COL5A1: variants seen among roughly 807,000 people sequenced by gnomAD.
The protein encoded by COL5A1 is collagen alpha-1(V) chain.
A neutral mutation model predicts 263.7 loss-of-function variants in COL5A1; 16 were observed. The ratio of observed to expected loss-of-function variants is 0.06; its 90% CI spans 0.04 to 0.09. The LOEUF is 0.09. COL5A1 is among the 10% of genes least tolerant of loss of function. COL5A1 has a pLI of 1.00. For synonymous variants in COL5A1, 1,012 were observed against 1,004.5 expected, an observed-to-expected ratio of 1.01 and a Z score of -0.14; for missense variants, 2,036 against 2,540.5, an observed-to-expected ratio of 0.80 and a Z score of 4.27.
At chr9:134,650,598 G>C (rs1274916971) in intron 1 of COL5A1, among the ~76,000 whole-genome samples, 1 of 152,250 alleles carries the variant, frequency 6.6e-6, no homozygotes, top group African/African-American at 2.4e-5. Context: ...GTGGGAGTAG[G>C]GTGTGGCCAA....
Position 134,742,421 on chromosome 9 carries a change from C to T in COL5A1, c.1494+3613C>T, listed in dbSNP as rs767486764. On this transcript the variant is annotated intron_variant, in intron 11 of 65. Transcript: ENST00000371817. The surrounding 1 kb of genome is among the most constrained non-coding windows in gnomAD (Gnocchi z 4.6). The stretch of plus-strand genomic sequence containing the variant: ...ATGGGAGGTCTGGAGCGGCTGTGTC[C>T]GGGTGGAGAAGGGGCTCGAACCATC... 6.6e-5 allele frequency among the ~76,000 whole-genome samples: 10 copies of T among 152,000 alleles called. No individual in the cohort carries two copies. Among genetic ancestry groups the T allele is most frequent in the Non-Finnish European group, 1.0e-4 (7 of 68,004 alleles).
chr9:134,729,315 A>G (rs1377371935), intron 6 of COL5A1, among the ~76,000 whole-genome samples: 2 of 151,936 alleles, frequency 1.3e-5, no homozygotes, highest in Non-Finnish European at 2.9e-5. Flanking sequence ...GGAGGGTCAC[A>G]CCTAGCAGGG....
At chr9:134,715,622 T>G (rs764180724) in intron 4 of COL5A1, among the ~76,000 whole-genome samples, 16 of 152,194 alleles carry the variant, frequency 1.1e-4, no homozygotes, top group Non-Finnish European at 1.8e-4. Context: ...CCCTAGGTAC[T>G]TGAGATTAAG....
chr9:134,815,745 A>G, intron 51 of COL5A1, 116 bp downstream of exon 51: 3 of 1,313,060 alleles, frequency 2.3e-6, no homozygotes, highest in Non-Finnish European at 3.2e-6. Context: ...TGGGGCAGGC[A>G]ATGTCCCAAA....
At chr9:134,784,876 C>A in intron 29 of COL5A1, 113 bp from the exon 30 acceptor site, 1 of 870,490 alleles carries the variant, frequency 1.1e-6, no homozygotes, top group Non-Finnish European at 1.9e-6. Context: ...TGGAGCAGCT[C>A]TGACCACAGG....
intron 4 of COL5A1, among the ~76,000 whole-genome samples, chr9:134,701,699 G>A (rs762502547): frequency 6.6e-6 from 1 of 152,188 alleles, no homozygotes; most frequent in African/African-American, 2.4e-5. Context: ...GGCCATCCTG[G>A]GACAGGGGCA....
chr9:134,836,435 GACC>G (rs1245737557), intron 65 of COL5A1, among the ~76,000 whole-genome samples: 1 of 152,198 alleles, frequency 6.6e-6, no homozygotes, highest in African/African-American at 2.4e-5. Flanking sequence ...CCAACACTGG[GACC>G]ACATTTCAAC....
intron 53 of COL5A1, 105 bp downstream of exon 53, chr9:134,817,184 G>A: frequency 1.0e-6 from 1 of 1,003,602 alleles, no homozygotes; most frequent in South Asian, 1.3e-5. Flanking sequence ...AAGCTGCACT[G>A]ATGAGGAAGG....
At chr9:134,749,052 G>T (rs554770069) in intron 11 of COL5A1, among the ~76,000 whole-genome samples, 2 of 152,174 alleles carry the variant, frequency 1.3e-5, no homozygotes, top group African/African-American at 4.8e-5. Context: ...GCCTGGCCAA[G>T]GTGGTGAAAC....
At chr9:134,699,884 T>C (rs1212603810) in intron 2 of COL5A1, 25 bp from the exon 3 acceptor site, 1 of 1,612,312 alleles carries the variant, frequency 6.2e-7, no homozygotes, top group Admixed American at 1.7e-5. Flanking sequence ...CCCGACTGCC[T>C]TCTCACCTCT....
In COL5A1 at chr9:134,761,933, T is replaced by G. The variant is rs755661291; in HGVS notation, c.1944T>G (p.Pro648=). Residue 648 remains proline, a synonymous_variant, in exon 19 of 66, where the codon CCT becomes CCG. Transcript: ENST00000371817. Reference sequence around the variant, plus strand: ...ACCCTTTCACTTCCTAGGGTGACCCTGGTCCTTCCGGCCCACCAGGACCTC... The same window carrying G: ...ACCCTTTCACTTCCTAGGGTGACCCGGGTCCTTCCGGCCCACCAGGACCTC... ...LPGEKGHRGD[P]GPSGPPGPPG... 1 of 1,613,568 alleles carries G rather than the reference T, an allele frequency of 6.2e-7. No homozygotes were observed. The highest frequency in any genetic ancestry group is 2.2e-5 in the East Asian group (1 of 44,886).
intron 4 of COL5A1, among the ~76,000 whole-genome samples, chr9:134,721,087 G>A (rs1022962631): frequency 6.6e-6 from 1 of 152,104 alleles, no homozygotes; most frequent in Admixed American, 6.5e-5. Flanking sequence ...CGTGAGTCAG[G>A]GAAGATGCCT....
At chr9:134,691,175 G>A (rs547031754) in intron 2 of COL5A1, 96 bp downstream of exon 2, 54 of 1,505,824 alleles carry the variant, frequency 3.6e-5, no homozygotes, top group African/African-American at 1.2e-4. Context: ...TGGCAGAAGC[G>A]GGCTCAGCTT....
rs1835284756 is a variant in COL5A1, at chr9:134,741,072, C to T, written c.1494+2264C>T. Among the ~76,000 whole-genome samples the T allele has an allele frequency of 6.6e-6, 1 of 152,212 alleles. No homozygotes were observed. Among genetic ancestry groups the T allele is most frequent in the Non-Finnish European group, 1.5e-5 (1 of 68,040 alleles). On this transcript the variant is annotated intron_variant, in intron 11 of 65. Transcript: ENST00000371817. The surrounding 1 kb of genome is among the most constrained non-coding windows in gnomAD (Gnocchi z 4.5). ...GCCAGCCTTGTTCAGGAAGCCATCC[C>T]TGCTCACCGCTCAGCGCCCTCTTGA...
intron 44 of COL5A1, 45 bp downstream of exon 44, chr9:134,810,353 G>A: frequency 6.3e-7 from 1 of 1,594,410 alleles, no homozygotes; most frequent in Non-Finnish European, 8.6e-7. Flanking sequence ...AGGTCCCGGG[G>A]GGCCTCGTCG....
intron 28 of COL5A1, 62 bp downstream of exon 28, chr9:134,780,208 G>A (rs959492787): frequency 2.5e-5 from 38 of 1,521,876 alleles, no homozygotes; most frequent in Admixed American, 3.3e-5. Context: ...TCCAGCCAGC[G>A]GGGCCCTCCC....
chr9:134,670,484 C>A (rs1394340489), intron 1 of COL5A1, among the ~76,000 whole-genome samples: 1 of 152,164 alleles, frequency 6.6e-6, no homozygotes, highest in Non-Finnish European at 1.5e-5. Context: ...CAGTTACTTC[C>A]CCCTCTCTGC....
rs1838851268 is a variant in COL5A1, at chr9:134,818,411, C to A, written c.4231-245C>A. Among the ~76,000 whole-genome samples, 1 of 152,206 alleles carries A rather than the reference C, an allele frequency of 6.6e-6. No individual in the cohort carries two copies. The highest frequency in any genetic ancestry group is 2.4e-5 in the African/African-American group (1 of 41,456). On this transcript the variant is annotated intron_variant, in intron 54 of 65. Coordinates refer to ENST00000371817, the MANE Select transcript of COL5A1 (RefSeq NM_000093.5). The surrounding 1 kb of genome is among the most constrained non-coding windows in gnomAD (Gnocchi z 6.0). ...CCCTGCTCGGGCAGTGGCGCTGTGA[C>A]ACCCGGTCTGTGGTCGGCGCAGTCA...
In COL5A1 at chr9:134,700,215, G is replaced by A. The variant is rs1220136998; in HGVS notation, c.491+93G>A. 6 of 1,237,546 alleles carry A rather than the reference G, an allele frequency of 4.8e-6. No individual in the cohort carries two copies. Among genetic ancestry groups the A allele is most frequent in the Middle Eastern group, 2.7e-4 (1 of 3,732 alleles). The allele number at this position is 1,237,546 out of a possible 1,614,324, so 76.7% of individuals were successfully genotyped here. A position where few individuals can be genotyped will look rare whatever the true frequency, so the allele number is the denominator to read the frequency against. ...CCAGATGTGGGGCACAGTAGAGGAC[G>A]TGCAGCAGCCGGTACTGAGACTCCC... is the stretch of plus-strand genomic sequence containing the variant. On this transcript the variant is annotated intron_variant, in intron 3 of 65. Coordinates refer to ENST00000371817, the MANE Select transcript of COL5A1 (RefSeq NM_000093.5). This position sits in a 1 kb window ranked among gnomAD's most constrained non-coding sequence, Gnocchi z 4.0.
Sources: allele counts gnomAD v4.1 joint callset (sites outside exome capture counted in the v4.1 genomes callset), GRCh38; gene constraint gnomAD v4.1.1; non-coding constraint Gnocchi (gnomAD v3.1); transcripts MANE v1.5; gene names NCBI Gene and HGNC (gene_info 2026-07-23, HGNC 2026-07-21).